CLPB: variants seen among roughly 807,000 people sequenced by gnomAD.
The protein encoded by CLPB is ClpB family mitochondrial disaggregase, also known as mitochondrial disaggregase.
In CLPB, 40 loss-of-function variants were observed where a neutral mutation model predicts 78.4. That is an observed-to-expected ratio of 0.51 (90% confidence interval 0.40 to 0.66). The LOEUF (loss-of-function observed/expected upper bound fraction) is 0.66. CLPB is among the 30% of genes least tolerant of loss of function. CLPB has a pLI of 0.00. For missense variants in CLPB, 780 were observed against 886.9 expected, an observed-to-expected ratio of 0.88 and a Z score of 1.53; for synonymous variants, 333 against 348.0, an observed-to-expected ratio of 0.96 and a Z score of 0.48.
At chr11:72,405,705 G>A (rs1280674954) in intron 2 of CLPB, among the ~76,000 whole-genome samples, 6 of 152,136 alleles carry the variant, frequency 3.9e-5, no homozygotes, top group Admixed American at 6.5e-5. Context: ...AAGGCAGGTG[G>A]ATCACGAGGT....
intron 5 of CLPB, among the ~76,000 whole-genome samples, chr11:72,330,945 G>C (rs1950212937): frequency 6.6e-6 from 1 of 152,114 alleles, no homozygotes; most frequent in Non-Finnish European, 1.5e-5. Context: ...GCTCAGGGTA[G>C]GTGTCCAGCC....
intron 3 of CLPB, among the ~76,000 whole-genome samples, chr11:72,400,208 T>C (rs993948010): frequency 1.3e-5 from 2 of 151,690 alleles, no homozygotes; most frequent in Non-Finnish European, 2.9e-5. Flanking sequence ...GAACAGTACC[T>C]GGCAAACAGT....
intron 5 of CLPB, among the ~76,000 whole-genome samples, chr11:72,336,218 G>GTA (rs773073046): frequency 4.6e-5 from 7 of 152,086 alleles, no homozygotes; most frequent in Non-Finnish European, 7.4e-5. Flanking sequence ...AAGATAATGT[G>GTA]TATAAGAGGG....
At chr11:72,374,552 A>G (rs1478003705) in intron 4 of CLPB, among the ~76,000 whole-genome samples, 1 of 152,224 alleles carries the variant, frequency 6.6e-6, no homozygotes, top group Admixed American at 6.5e-5. Context: ...CCCTCTACCC[A>G]GAAACACCAA....
rs570150851 is a variant in CLPB at position 72,293,188 on chromosome 11, G to A, written c.*179C>T. 9.4e-6 allele frequency: 7 copies of A among 745,496 alleles called. No individual in the cohort carries two copies. In the East Asian group the frequency reaches 1.1e-4, roughly 12 times the overall value. 46.2% of individuals were successfully genotyped at this position (745,496 alleles called of 1,614,324 possible). On this transcript the variant is annotated 3_prime_UTR_variant, in exon 16 of 16. Transcript: ENST00000538039. ...CACAACAAAGGGGCCAGAGTAGGGC[G>A]AAATTCCTCCTTCAGGTTTTGGGGC...
rs80040849 is a variant in CLPB, at chr11:72,413,510, C to T, written c.456-10458G>A. ...ATCTCGTACCTAGTACCAGAGCATT[C>T]TCTTACAGAACCACTAACTAATGAT... On this transcript the variant is annotated intron_variant, in intron 2 of 15. Transcript: ENST00000538039. Among the ~76,000 whole-genome samples the T allele has an allele frequency of 6.7e-3, 1,013 of 152,140 alleles. 11 individuals are homozygous for T. Among genetic ancestry groups the T allele is most frequent in the African/African-American group, 0.023 (970 of 41,446 alleles).
At chr11:72,415,826 A>T (rs1262988389) in intron 2 of CLPB, among the ~76,000 whole-genome samples, 1 of 152,178 alleles carries the variant, frequency 6.6e-6, no homozygotes, top group East Asian at 1.9e-4. Context: ...ATCTTTAACA[A>T]AGGGGATGGT....
intron 4 of CLPB, chr11:72,373,086 G>T: frequency 7.6e-7 from 1 of 1,315,144 alleles, no homozygotes; most frequent in South Asian, 1.2e-5. Context: ...CTGGGAAGGG[G>T]GCACTCAGGC....
chr11:72,347,708 T>C (rs1377105017), intron 5 of CLPB, among the ~76,000 whole-genome samples: 1 of 152,196 alleles, frequency 6.6e-6, no homozygotes. Context: ...ACCCAAGATG[T>C]CCATGTTCTA....
chr11:72,307,362 G>A, intron 8 of CLPB, 108 bp from the exon 9 acceptor site: 2 of 940,086 alleles, frequency 2.1e-6, no homozygotes, highest in South Asian at 1.4e-5. Context: ...TTCTATGGAT[G>A]AGAATGTTGA....
chr11:72,296,840 T>C (rs769017654), intron 11 of CLPB, among the ~76,000 whole-genome samples: 8 of 151,996 alleles, frequency 5.3e-5, no homozygotes, highest in South Asian at 4.2e-4. Flanking sequence ...CCCTTGGAGG[T>C]AGGTGCAGTT....
chr11:72,350,941 T>C (rs760627144), intron 5 of CLPB, among the ~76,000 whole-genome samples: 1 of 152,196 alleles, frequency 6.6e-6, no homozygotes, highest in Non-Finnish European at 1.5e-5. Context: ...CATAATCTAA[T>C]TTTAGAATAT....
intron 2 of CLPB, among the ~76,000 whole-genome samples, chr11:72,417,668 G>A (rs536162285): frequency 9.2e-5 from 14 of 152,326 alleles, no homozygotes; most frequent in African/African-American, 3.1e-4. Flanking sequence ...TTCTTCAGGA[G>A]GCAGAGAGTG....
In CLPB at chr11:72,294,635, A is replaced by G; in HGVS notation, c.1545T>C (p.Ile515=). ...GACCTCTTACTTTCAGGATAGGGCGAATCACATTCTCCTTGAAGTTCTTTG... is the reference window on the plus strand; with the variant it reads ...GACCTCTTACTTTCAGGATAGGGCGGATCACATTCTCCTTGAAGTTCTTTG... ...TISKNFKENV[I]RPILKAHFRR... Residue 515 remains isoleucine, a synonymous_variant, in exon 13 of 16, where the codon ATT becomes ATC. Transcript: ENST00000538039. 6.2e-7 allele frequency: 1 copy of G among 1,614,126 alleles called. No homozygotes were observed. The highest frequency in any genetic ancestry group is 8.5e-7 in the Non-Finnish European group (1 of 1,179,936).
intron 2 of CLPB, among the ~76,000 whole-genome samples, chr11:72,418,721 G>A (rs1215017077): frequency 1.3e-5 from 2 of 152,052 alleles, no homozygotes; most frequent in Non-Finnish European, 2.9e-5. Flanking sequence ...CGGGTGTGGT[G>A]GCACACACCT....
At chr11:72,295,993 C>G (rs1949545414) in intron 11 of CLPB, among the ~76,000 whole-genome samples, 1 of 152,236 alleles carries the variant, frequency 6.6e-6, no homozygotes, top group Non-Finnish European at 1.5e-5. Flanking sequence ...TGGAGGCCCG[C>G]TGTGGGCCAG....
chr11:72,293,412 G>A lies in CLPB; in HGVS notation c.1989C>T (p.Asp663=). The change falls in exon 16 of 16, where the codon GAC becomes GAT. Residue 663 remains aspartate (D), a synonymous_variant. Transcript: ENST00000538039. The part of the protein sequence containing the change: ...IDKDSKTRRL[D]IRAPLHPEKV... ...TCTCAGGGTGCAGTGGTGCCCGGAT[G>A]TCCAGTCTGCGAGTCTTGCTGTCCT... The A allele has an allele frequency of 1.2e-6, 2 of 1,614,192 alleles. No individual in the cohort carries two copies. Among genetic ancestry groups the A allele is most frequent in the Non-Finnish European group, 1.7e-6 (2 of 1,180,020 alleles).
chr11:72,375,900 C>T (rs935583027), intron 4 of CLPB, among the ~76,000 whole-genome samples: 3 of 152,212 alleles, frequency 2.0e-5, no homozygotes, highest in African/African-American at 7.2e-5. Flanking sequence ...CACAACAATA[C>T]TGATACGGAA....
chr11:72,349,746 G>A (rs751347636), intron 5 of CLPB, among the ~76,000 whole-genome samples: 6 of 152,250 alleles, frequency 3.9e-5, no homozygotes, highest in Non-Finnish European at 8.8e-5. Context: ...CAGCACATAC[G>A]CTGGAGGGGG....
Sources: allele counts gnomAD v4.1 joint callset (sites outside exome capture counted in the v4.1 genomes callset), GRCh38; gene constraint gnomAD v4.1.1; transcripts MANE v1.5; gene names NCBI Gene and HGNC (gene_info 2026-07-23, HGNC 2026-07-21).